PLEKHG3: variants seen among roughly 807,000 people sequenced by gnomAD.
The protein encoded by PLEKHG3 is pleckstrin homology domain-containing family G member 3.
A neutral mutation model predicts 94.9 loss-of-function variants in PLEKHG3; 62 were observed. The observed-to-expected ratio is 0.65, with a 90% confidence interval of 0.53 to 0.81. The LOEUF (loss-of-function observed/expected upper bound fraction) is 0.81. PLEKHG3 is among the 30% of genes least tolerant of loss of function. The probability of loss-of-function intolerance (pLI) is 0.00; values close to 1 mark genes in which losing one functional copy is unlikely to be tolerated. For synonymous variants in PLEKHG3, 614 were observed against 654.0 expected, an observed-to-expected ratio of 0.94 and a Z score of 0.93; for missense variants, 1,461 against 1,619.3, an observed-to-expected ratio of 0.90 and a Z score of 1.68.
At chr14:64,740,967 G>GT (rs2081673394) in intron 15 of PLEKHG3, 69 bp from the exon 16 acceptor site, 2 of 1,316,048 alleles carry the variant, frequency 1.5e-6, no homozygotes, top group Admixed American at 2.3e-5. Flanking sequence ...AGGCCATGCT[G>GT]TCCCCTTGTT....
At position 64,727,421 on chromosome 14, in the gene PLEKHG3, T is replaced by G. The variant is rs1460486830; in HGVS notation, c.-39-172T>G. 6.6e-6 allele frequency among the ~76,000 whole-genome samples: 1 copy of G among 152,228 alleles called. No individual in the cohort carries two copies. The highest frequency in any genetic ancestry group is 1.5e-5 in the Non-Finnish European group (1 of 68,028). ...GACAGTAGGTACATTCATATCATTG[T>G]GCAATGTCATCACTGTCTATCCACA... is the stretch of plus-strand genomic sequence containing the variant. On this transcript the variant is annotated intron_variant, in intron 1 of 16. Coordinates refer to ENST00000247226, the MANE Select transcript of PLEKHG3 (RefSeq NM_001308147.2). The surrounding 1 kb of genome is among the most constrained non-coding windows in gnomAD (Gnocchi z 6.0).
intron 15 of PLEKHG3, among the ~76,000 whole-genome samples, chr14:64,740,818 A>G (rs748563580): frequency 6.6e-6 from 1 of 152,296 alleles, no homozygotes; most frequent in African/African-American, 2.4e-5. Context: ...TTTTGAGGAC[A>G]TGGGCCCAGC....
rs550415567 is a variant in PLEKHG3, at chr14:64,716,774, A to G, written c.-39-10819A>G. The stretch of plus-strand genomic sequence containing the variant: ...TGGAGGTCGGGGCAGATCGACTGCA[A>G]ATCAAGGCCTCACTTTTCAAGGAGT... On this transcript the variant is annotated intron_variant, in intron 1 of 16. Transcript: ENST00000247226. The surrounding 1 kb of genome is among the most constrained non-coding windows in gnomAD (Gnocchi z 5.0). 6.6e-6 allele frequency among the ~76,000 whole-genome samples: 1 copy of G among 151,610 alleles called. No individual in the cohort carries two copies. Among genetic ancestry groups the G allele is most frequent in the Non-Finnish European group, 1.5e-5 (1 of 67,792 alleles).
chr14:64,749,225 G>A lies in PLEKHG3; in HGVS notation c.*5522G>A. 6.7e-7 allele frequency: 1 copy of A among 1,493,662 alleles called. No homozygotes were observed. Among genetic ancestry groups the A allele is most frequent in the Non-Finnish European group, 9.0e-7 (1 of 1,111,664 alleles). The allele number at this position is 1,493,662 out of a possible 1,614,324, so 92.5% of individuals were successfully genotyped here. The stretch of plus-strand genomic sequence containing the variant: ...TCGACTCATCTCGATTCGACCGGCG[G>A]GCGGCGGCGAGAGGAGGCCAAGGCC... On this transcript the variant is annotated 3_prime_UTR_variant, in exon 17 of 17. Coordinates refer to ENST00000247226, the MANE Select transcript of PLEKHG3 (RefSeq NM_001308147.2). The surrounding 1 kb of genome is among the most constrained non-coding windows in gnomAD (Gnocchi z 4.7).
chr14:64,739,420 T>A lies in PLEKHG3; in HGVS notation c.1518+565T>A, dbSNP rs554013693. Among the ~76,000 whole-genome samples the A allele has an allele frequency of 1.3e-5, 2 of 152,304 alleles. No homozygotes were observed. Among genetic ancestry groups the A allele is most frequent in the East Asian group, 3.9e-4 (2 of 5,182 alleles). Reference sequence around the variant, plus strand: ...GCTGGGACTCAGAGGCCCACTCTCCTCCTCCTGCTGCCCTATGCTGTCTGT... The same window carrying A: ...GCTGGGACTCAGAGGCCCACTCTCCACCTCCTGCTGCCCTATGCTGTCTGT... On this transcript the variant is annotated intron_variant, in intron 15 of 16. Transcript: ENST00000247226. The surrounding 1 kb of genome is among the most constrained non-coding windows in gnomAD (Gnocchi z 4.1).
At position 64,727,500 on chromosome 14, in the gene PLEKHG3, C is replaced by CA; in HGVS notation, c.-39-92dup. 2.1e-6 allele frequency: 1 copy of CA among 478,256 alleles called. No individual in the cohort carries two copies. The highest frequency in any genetic ancestry group is 2.0e-5 in the South Asian group (1 of 49,182). The allele number at this position is 478,256 out of a possible 1,614,324, so 29.6% of individuals were successfully genotyped here. Reference sequence around the variant, plus strand: ...CTGGATGCACTAAATAATACCTTCCCACCCCACCTGCCCCCACCCCTGGCA... The same window carrying CA: ...CTGGATGCACTAAATAATACCTTCCCAACCCCACCTGCCCCCACCCCTGGCA... On this transcript the variant is annotated intron_variant, in intron 1 of 16. Transcript: ENST00000247226. The surrounding 1 kb of genome is among the most constrained non-coding windows in gnomAD (Gnocchi z 6.0).
Position 64,731,384 on chromosome 14 carries a change from C to T in PLEKHG3, c.873C>T (p.Asn291=), listed in dbSNP as rs2081459974. Residue 291 remains asparagine, a synonymous_variant, in exon 8 of 17, where the codon AAC becomes AAT. Transcript: ENST00000247226. This position sits in a 1 kb window ranked among gnomAD's most constrained non-coding sequence, Gnocchi z 6.1. ...AGGAGATTCAGTCACTCCTCATCAA[C>T]TGGAAGGGGCCCGACCTGACCACCT... is the stretch of plus-strand genomic sequence containing the variant. ...RLQEIQSLLI[N]WKGPDLTTYG... The T allele has an allele frequency of 1.2e-6, 2 of 1,613,862 alleles. No individual in the cohort carries two copies. Among genetic ancestry groups the T allele is most frequent in the Non-Finnish European group, 1.7e-6 (2 of 1,179,922 alleles).
intron 1 of PLEKHG3, among the ~76,000 whole-genome samples, chr14:64,710,968 G>T (rs1289765381): frequency 6.6e-6 from 1 of 152,152 alleles, no homozygotes; most frequent in Non-Finnish European, 1.5e-5. Context: ...CTCTGTTTAG[G>T]AAGGCAGGGA....
rs61736203 is a variant in PLEKHG3, at chr14:64,741,195, A to G, written c.1678A>G (p.Met560Val). 9.2e-4 allele frequency: 1,480 copies of G among 1,614,092 alleles called. 16 individuals carry two copies. The African/African-American group carries it at 0.018, about 20-fold the overall frequency. Residue 560 changes from methionine (M) to valine (V), a missense_variant, in exon 16 of 17, where the codon ATG becomes GTG. Met to Val is a conservative substitution (Grantham distance 21). Around this residue, in one of 3 missense-constraint regions of PLEKHG3, gnomAD observed 1,201 missense variants for 1,295.5 expected, o/e 0.93. Transcript: ENST00000247226. ...GLLGMDPPGD[M>V]VDFVAAESTE... ...TCTGGGGATGGACCCCCCAGGTGAC[A>G]TGGTGGACTTCGTGGCAGCTGAGAG... is the stretch of plus-strand genomic sequence containing the variant.
rs946374436 is a variant in PLEKHG3, at chr14:64,707,888, A to G, written c.-40+3184A>G. Among the ~76,000 whole-genome samples, 5 of 152,230 alleles carry G rather than the reference A, an allele frequency of 3.3e-5. No individual in the cohort carries two copies. In the East Asian group the frequency reaches 5.8e-4, roughly 18 times the overall value. On this transcript the variant is annotated intron_variant, in intron 1 of 16. Transcript: ENST00000247226. ...TTTCTTACCCAACGTGGAGTTAGTC[A>G]TCATACTTACCACATGCGGCATCAT...
In PLEKHG3 at chr14:64,731,640, C is replaced by G; in HGVS notation, c.1033-74C>G. ...CTGCTTCTTGGGGCTCCAGCACCAC[C>G]CTTCTGAGATCACCCTCCCTGCTTC... On this transcript the variant is annotated intron_variant, in intron 8 of 16. Coordinates refer to ENST00000247226, the MANE Select transcript of PLEKHG3 (RefSeq NM_001308147.2). This position sits in a 1 kb window ranked among gnomAD's most constrained non-coding sequence, Gnocchi z 6.1. 1 of 1,507,404 alleles carries G rather than the reference C, an allele frequency of 6.6e-7. No individual in the cohort carries two copies. The highest frequency in any genetic ancestry group is 9.2e-7 in the Non-Finnish European group (1 of 1,083,134). 93.4% of individuals were successfully genotyped at this position (1,507,404 alleles called of 1,614,324 possible).
chr14:64,715,048 A>T lies in PLEKHG3; in HGVS notation c.-40+10344A>T, dbSNP rs1470735078. Among the ~76,000 whole-genome samples the T allele has an allele frequency of 6.6e-6, 1 of 151,932 alleles. No individual in the cohort carries two copies. The highest frequency in any genetic ancestry group is 1.5e-5 in the Non-Finnish European group (1 of 67,972). On this transcript the variant is annotated intron_variant, in intron 1 of 16. Transcript: ENST00000247226. The surrounding 1 kb of genome is among the most constrained non-coding windows in gnomAD (Gnocchi z 4.4). The stretch of plus-strand genomic sequence containing the variant: ...TGCAGGTTGGTACCCCCACTGCAAG[A>T]GTGTGTGGGTGGAGAAGGAAGGCCT...
chr14:64,715,260 G>A lies in PLEKHG3; in HGVS notation c.-40+10556G>A, dbSNP rs138421851. Among the ~76,000 whole-genome samples, 259 of 152,300 alleles carry A rather than the reference G, an allele frequency of 1.7e-3. 1 individual carries two copies. Among genetic ancestry groups the A allele is most frequent in the African/African-American group, 6.0e-3 (248 of 41,544 alleles). ...CATGAGAGCATTCCTATGAGGTAGG[G>A]TGAGAGATGGCCTTCTTGGCTTCGT... On this transcript the variant is annotated intron_variant, in intron 1 of 16. Coordinates refer to ENST00000247226, the MANE Select transcript of PLEKHG3 (RefSeq NM_001308147.2). The surrounding 1 kb of genome is among the most constrained non-coding windows in gnomAD (Gnocchi z 4.4).
chr14:64,710,617 G>A (rs1244047692), intron 1 of PLEKHG3, among the ~76,000 whole-genome samples: 1 of 152,142 alleles, frequency 6.6e-6, no homozygotes, highest in Admixed American at 6.5e-5. Context: ...GTTGCAGTGG[G>A]CCGAGATTGC....
At position 64,739,602 on chromosome 14, in the gene PLEKHG3, A is replaced by AT. The variant is rs1229961963; in HGVS notation, c.1518+747_1518+748insT. On this transcript the variant is annotated intron_variant, in intron 15 of 16. Transcript: ENST00000247226. The surrounding 1 kb of genome is among the most constrained non-coding windows in gnomAD (Gnocchi z 4.1). ...ATGATGTCTTAGCTTGAGCTGCTGT[A>AT]ACAAAATCCCTTACTGCTACGTGGG... 2.6e-5 allele frequency among the ~76,000 whole-genome samples: 4 copies of AT among 152,354 alleles called. No individual in the cohort carries two copies. The East Asian group carries it at 7.7e-4, about 29-fold the overall frequency.
In PLEKHG3 at chr14:64,743,629, C is replaced by G; in HGVS notation, c.3586C>G (p.Pro1196Ala). 6.2e-7 allele frequency: 1 copy of G among 1,611,944 alleles called. No individual in the cohort carries two copies. The highest frequency in any genetic ancestry group is 1.1e-5 in the South Asian group (1 of 91,004). The change falls in exon 17 of 17, where the codon CCG becomes GCG. Residue 1196 changes from proline to alanine, a missense_variant. Pro to Ala is a conservative substitution (Grantham distance 27, BLOSUM62 -1). This residue lies in a region of PLEKHG3 where 1,201 missense variants were observed against 1,295.5 expected (regional missense o/e 0.93). Transcript: ENST00000247226. This position sits in a 1 kb window ranked among gnomAD's most constrained non-coding sequence, Gnocchi z 7.2. ...CQPKEEGSRD[P>A]ADPSQQGRVR... ...GCCGAAGGAAGAGGGTTCCAGGGACCCGGCAGACCCGAGCCAGCAGGGCAG... is the reference window on the plus strand; with the variant it reads ...GCCGAAGGAAGAGGGTTCCAGGGACGCGGCAGACCCGAGCCAGCAGGGCAG...
In PLEKHG3 at chr14:64,723,561, C is replaced by T. The variant is rs544910576; in HGVS notation, c.-39-4032C>T. On this transcript the variant is annotated intron_variant, in intron 1 of 16. Coordinates refer to ENST00000247226, the MANE Select transcript of PLEKHG3 (RefSeq NM_001308147.2). This position sits in a 1 kb window ranked among gnomAD's most constrained non-coding sequence, Gnocchi z 4.5. ...TGTCACCCAGGCTGGAGTACAGTGG[C>T]GCGATCTCAGCTCACTGAAACATCT... is the stretch of plus-strand genomic sequence containing the variant. Among the ~76,000 whole-genome samples, 79 of 152,128 alleles carry T rather than the reference C, an allele frequency of 5.2e-4. 1 individual carries two copies. Among genetic ancestry groups the T allele is most frequent in the Non-Finnish European group, 6.0e-4 (41 of 67,988 alleles).
At chr14:64,733,249 C>T (rs1429877043) in intron 12 of PLEKHG3, among the ~76,000 whole-genome samples, 1 of 150,374 alleles carries the variant, frequency 6.7e-6, no homozygotes, top group East Asian at 1.9e-4. Context: ...ACTGCAACCT[C>T]TGCCTCCTGG....
Position 64,727,520 on chromosome 14 carries a change from CTGGCAACCGT to C in PLEKHG3, c.-39-72_-39-63del. On this transcript the variant is annotated intron_variant, in intron 1 of 16. Coordinates refer to ENST00000247226, the MANE Select transcript of PLEKHG3 (RefSeq NM_001308147.2). This position sits in a 1 kb window ranked among gnomAD's most constrained non-coding sequence, Gnocchi z 6.0. ...CTTCCCACCCCACCTGCCCCCACCCCTGGCAACCGTCCCTCTGTTCTGTTTCTGTGGGCAT... is the reference window on the plus strand; with the variant it reads ...CTTCCCACCCCACCTGCCCCCACCCCCCCTCTGTTCTGTTTCTGTGGGCAT... 1.8e-6 allele frequency: 1 copy of C among 570,822 alleles called. No individual in the cohort carries two copies. The highest frequency in any genetic ancestry group is 3.2e-6 in the Non-Finnish European group (1 of 312,308). The allele number at this position is 570,822 out of a possible 1,614,324, so 35.4% of individuals were successfully genotyped here.
Sources: allele counts gnomAD v4.1 joint callset (sites outside exome capture counted in the v4.1 genomes callset), GRCh38; gene constraint gnomAD v4.1.1; regional missense constraint gnomAD v4.1.1; non-coding constraint Gnocchi (gnomAD v3.1); transcripts MANE v1.5; gene names NCBI Gene and HGNC (gene_info 2026-07-23, HGNC 2026-07-21).